Variants in ANO6 observed in about 807,000 individuals in gnomAD.
ANO6 encodes anoctamin-6.
Under a neutral mutation model 117.5 loss-of-function variants are expected in ANO6, and 106 were observed. The observed-to-expected ratio is 0.90, with a 90% CI of 0.77 to 1.06. ANO6 has a LOEUF of 1.06. Among genes scored for constraint, ANO6 ranks in the 50% least tolerant of loss-of-function variants. The probability of loss-of-function intolerance (pLI) is 0.00; values close to 1 mark genes in which losing one functional copy is unlikely to be tolerated. For missense variants in ANO6, 955 were observed against 1,121.1 expected (o/e 0.85, Z 2.12); for synonymous variants, 367 against 385.1 (o/e 0.95, Z 0.55).
chr12:45,280,661 C>T (rs1180823406), intron 1 of ANO6, among the ~76,000 whole-genome samples: 1 of 152,120 alleles, frequency 6.6e-6, no homozygotes, highest in Non-Finnish European at 1.5e-5. Flanking sequence ...ACCGAGTCAG[C>T]AGATGCTCTC....
intron 1 of ANO6, among the ~76,000 whole-genome samples, chr12:45,293,362 T>C (rs1166889880): frequency 6.6e-6 from 1 of 152,202 alleles, no homozygotes; most frequent in Non-Finnish European, 1.5e-5. Context: ...CACACAGTTT[T>C]CTTGTGATAA....
intron 2 of ANO6, among the ~76,000 whole-genome samples, chr12:45,329,107 C>T (rs1940576083): frequency 6.6e-6 from 1 of 152,176 alleles, no homozygotes; most frequent in African/African-American, 2.4e-5. Flanking sequence ...CACCCTTACA[C>T]ATGAACAAGA....
chr12:45,421,711 A>G (rs1943370842), intron 18 of ANO6, among the ~76,000 whole-genome samples: 1 of 152,258 alleles, frequency 6.6e-6, no homozygotes, highest in Non-Finnish European at 1.5e-5. Context: ...AAGATATTGA[A>G]TGATGGCAAA....
At position 45,403,112 on chromosome 12, in the gene ANO6, C is replaced by T; in HGVS notation, c.1653C>T (p.Thr551=). 2 of 1,613,988 alleles carry T rather than the reference C, an allele frequency of 1.2e-6. No homozygotes were observed. The highest frequency in any genetic ancestry group is 1.7e-6 in the Non-Finnish European group (2 of 1,179,924). ...RTQTDYENSL[T]MKMFLFQFVN... is the part of the protein sequence containing the mutation. Reference sequence around the variant, plus strand: ...AGACTGATTATGAGAACAGCCTCACCATGAAGATGTTCTTATTCCAGTTTG... The same window carrying T: ...AGACTGATTATGAGAACAGCCTCACTATGAAGATGTTCTTATTCCAGTTTG... Residue 551 remains threonine (T), a synonymous_variant, in exon 14 of 20, where the codon ACC becomes ACT. Transcript: ENST00000320560.
intron 8 of ANO6, among the ~76,000 whole-genome samples, chr12:45,362,801 T>G (rs1400223244): frequency 6.6e-6 from 1 of 152,222 alleles, no homozygotes; most frequent in Non-Finnish European, 1.5e-5. Flanking sequence ...AACTTTACTT[T>G]GGTACAGATC....
chr12:45,279,813 C>T (rs1347376172), intron 1 of ANO6, among the ~76,000 whole-genome samples: 5 of 152,186 alleles, frequency 3.3e-5, no homozygotes, highest in African/African-American at 7.2e-5. Flanking sequence ...AACTGAACAC[C>T]GGAATAGGAA....
At chr12:45,333,501 G>T (rs1483779217) in intron 3 of ANO6, among the ~76,000 whole-genome samples, 1 of 152,014 alleles carries the variant, frequency 6.6e-6, no homozygotes, top group Non-Finnish European at 1.5e-5. Flanking sequence ...TTACTGCCAT[G>T]ATGAAGGGCC....
intron 2 of ANO6, among the ~76,000 whole-genome samples, chr12:45,325,483 TACC>T (rs1195730214): frequency 6.6e-6 from 1 of 152,186 alleles, no homozygotes; most frequent in African/African-American, 2.4e-5. Flanking sequence ...TGTCCTTTTT[TACC>T]ACCTGTCTTG....
chr12:45,329,904 CAT>C (rs1940605301), intron 2 of ANO6, among the ~76,000 whole-genome samples: 1 of 152,054 alleles, frequency 6.6e-6, no homozygotes, highest in African/African-American at 2.4e-5. Context: ...TCAGCATTTT[CAT>C]ATAGTTTTAA....
At chr12:45,370,901 C>A (rs1429020286) in intron 9 of ANO6, among the ~76,000 whole-genome samples, 1 of 152,106 alleles carries the variant, frequency 6.6e-6, no homozygotes, top group Non-Finnish European at 1.5e-5. Flanking sequence ...AGCTCCCAGC[C>A]TGAGCAACGC....
chr12:45,344,460 G>A (rs959286609), intron 3 of ANO6, among the ~76,000 whole-genome samples: 2 of 152,142 alleles, frequency 1.3e-5, no homozygotes, highest in African/African-American at 4.8e-5. Flanking sequence ...CATGGCAGAG[G>A]AAGAAGGCAC....
At chr12:45,372,014 A>C (rs1360385925) in intron 9 of ANO6, among the ~76,000 whole-genome samples, 3 of 152,208 alleles carry the variant, frequency 2.0e-5, no homozygotes, top group Admixed American at 6.5e-5. Context: ...AGAAGTGCTT[A>C]AAGGAGCTGA....
At chr12:45,271,260 G>A (rs1013098759) in intron 1 of ANO6, among the ~76,000 whole-genome samples, 5 of 152,154 alleles carry the variant, frequency 3.3e-5, no homozygotes, top group African/African-American at 7.2e-5. Context: ...TAACAAAAGG[G>A]AGTATTGTGG....
intron 10 of ANO6, among the ~76,000 whole-genome samples, chr12:45,383,825 C>T (rs1942227673): frequency 6.6e-6 from 1 of 152,152 alleles, no homozygotes; most frequent in Admixed American, 6.5e-5. Flanking sequence ...CTTAAAGGCC[C>T]TAGGGTTTTT....
At chr12:45,333,940 A>C (rs912335669) in intron 3 of ANO6, among the ~76,000 whole-genome samples, 5 of 152,096 alleles carry the variant, frequency 3.3e-5, no homozygotes, top group African/African-American at 1.2e-4. Context: ...ACCAGAGTTT[A>C]TCTAAAGGAT....
intron 11 of ANO6, 128 bp downstream of exon 11, chr12:45,388,431 C>G: frequency 3.3e-6 from 4 of 1,209,396 alleles, no homozygotes; most frequent in Non-Finnish European, 2.4e-6. Context: ...ACTACATACT[C>G]TGGTACTTAG....
chr12:45,348,160 A>G lies in ANO6; in HGVS notation c.478A>G (p.Thr160Ala). 1 of 1,614,092 alleles carries G rather than the reference A, an allele frequency of 6.2e-7. No individual in the cohort carries two copies. Among genetic ancestry groups the G allele is most frequent in the Non-Finnish European group, 8.5e-7 (1 of 1,179,986 alleles). ...GAAAAACCGGTCCTCAGCCTTTGGT[A>G]CACTCAACTGGTTTACCAAAGTCCT... is the stretch of plus-strand genomic sequence containing the variant. ...DLKNRSSAFG[T>A]LNWFTKVLSV... Residue 160 changes from threonine (T) to alanine (A), a missense_variant, in exon 5 of 20, where the codon ACA (threonine) becomes GCA (alanine). By Grantham distance (58) the Thr-to-Ala change is moderately conservative (BLOSUM62 0). Coordinates refer to ENST00000320560, the MANE Select transcript of ANO6 (RefSeq NM_001025356.3).
Position 45,302,716 on chromosome 12 carries a change from G to A in ANO6, c.150+623G>A, listed in dbSNP as rs768318586. ...TTTTTAAAGAAAATTAAGCACATAG[G>A]ATGCCTTGTGCAAAATATCCTTAGT... On this transcript the variant is annotated intron_variant, in intron 2 of 19. Transcript: ENST00000320560. Among the ~76,000 whole-genome samples the A allele has an allele frequency of 3.7e-4, 57 of 152,156 alleles. 1 individual carries two copies. The highest frequency in any genetic ancestry group is 1.4e-3 in the Admixed American group (21 of 15,274).
At chr12:45,267,172 G>A (rs1179656664) in intron 1 of ANO6, among the ~76,000 whole-genome samples, 1 of 152,140 alleles carries the variant, frequency 6.6e-6, no homozygotes, top group African/African-American at 2.4e-5. Context: ...TTTTCTCACA[G>A]TTCTGGAGGC....
Sources: allele counts gnomAD v4.1 joint callset (sites outside exome capture counted in the v4.1 genomes callset), GRCh38; gene constraint gnomAD v4.1.1; transcripts MANE v1.5; gene names NCBI Gene and HGNC (gene_info 2026-07-23, HGNC 2026-07-21).